Variants in CTNNBIP1 observed in about 807,000 individuals in gnomAD.
CTNNBIP1 encodes the protein beta-catenin-interacting protein 1.
Under a neutral mutation model 11.8 loss-of-function variants are expected in CTNNBIP1, and 7 were observed. The observed-to-expected ratio is 0.60, with a 90% CI of 0.34 to 1.12. The LOEUF is 1.12. CTNNBIP1 is among the 50% of genes most tolerant of loss of function. The pLI, the probability that CTNNBIP1 is intolerant of heterozygous loss-of-function variation, is 0.03. For synonymous variants in CTNNBIP1, 58 were observed against 43.9 expected (o/e 1.32, Z -1.26); for missense variants, 101 against 113.4 (o/e 0.89, Z 0.50).
At chr1:9,902,744 C>T (rs1443922833) in intron 1 of CTNNBIP1, among the ~76,000 whole-genome samples, 1 of 151,608 alleles carries the variant, frequency 6.6e-6, no homozygotes, top group African/African-American at 2.4e-5. Context: ...AGACTAAGAG[C>T]TTGGTATGGG....
intron 1 of CTNNBIP1, among the ~76,000 whole-genome samples, chr1:9,896,492 A>C (rs747700355): frequency 6.6e-6 from 1 of 152,178 alleles, no homozygotes; most frequent in Non-Finnish European, 1.5e-5. Context: ...TGAGGTCAGG[A>C]GTTCGAGAGT....
At chr1:9,853,619 G>A (rs1177032707) in intron 5 of CTNNBIP1, among the ~76,000 whole-genome samples, 2 of 152,174 alleles carry the variant, frequency 1.3e-5, no homozygotes, top group Non-Finnish European at 2.9e-5. Flanking sequence ...CTGCCTCCAG[G>A]CTGCCAGCTG....
chr1:9,902,200 C>G (rs1261366964), intron 1 of CTNNBIP1, among the ~76,000 whole-genome samples: 4 of 152,128 alleles, frequency 2.6e-5, no homozygotes, highest in African/African-American at 7.2e-5. Context: ...GTGGAGAGCC[C>G]GCCTGCCACC....
chr1:9,872,164 C>T lies in CTNNBIP1; in HGVS notation c.-24-76G>A. On this transcript the variant is annotated intron_variant, in intron 3 of 5. Transcript: ENST00000377263. The surrounding 1 kb of genome is among the most constrained non-coding windows in gnomAD (Gnocchi z 4.0). ...CTGGGACAATGACACCTGCTAGTGA[C>T]CCTCACTCCTCCCAGGAGCCGCTTT... 1 of 886,582 alleles carries T rather than the reference C, an allele frequency of 1.1e-6. No individual in the cohort carries two copies. The highest frequency in any genetic ancestry group is 1.8e-6 in the Non-Finnish European group (1 of 545,864). 54.9% of individuals were successfully genotyped at this position (886,582 alleles called of 1,614,324 possible).
intron 5 of CTNNBIP1, among the ~76,000 whole-genome samples, chr1:9,853,631 G>A (rs547817531): frequency 7.2e-5 from 11 of 152,212 alleles, no homozygotes; most frequent in Non-Finnish European, 1.5e-4. Flanking sequence ...TGCCAGCTGG[G>A]TTTCCTACCC....
intron 5 of CTNNBIP1, among the ~76,000 whole-genome samples, chr1:9,864,586 C>T (rs1432036857): frequency 1.3e-5 from 2 of 152,134 alleles, no homozygotes; most frequent in East Asian, 1.9e-4. Context: ...CCTTGGCCTC[C>T]GAAAGTGCTG....
chr1:9,870,273 C>T (rs1474085570), intron 5 of CTNNBIP1, among the ~76,000 whole-genome samples: 1 of 152,230 alleles, frequency 6.6e-6, no homozygotes. Context: ...GCCAATCATT[C>T]CAACAAAGCA....
intron 1 of CTNNBIP1, among the ~76,000 whole-genome samples, chr1:9,902,598 G>A (rs1284526887): frequency 1.3e-5 from 2 of 152,078 alleles, no homozygotes; most frequent in Non-Finnish European, 2.9e-5. Context: ...TGTCCACTCA[G>A]GGCAGGTAGC....
intron 5 of CTNNBIP1, among the ~76,000 whole-genome samples, chr1:9,854,023 T>TG (rs1315121748): frequency 2.2e-4 from 34 of 152,150 alleles, no homozygotes; most frequent in Admixed American, 2.2e-3. Context: ...ACCATATCAA[T>TG]AGGATAAAGG....
At chr1:9,899,621 T>C (rs977208479) in intron 1 of CTNNBIP1, among the ~76,000 whole-genome samples, 1 of 151,338 alleles carries the variant, frequency 6.6e-6, no homozygotes, top group East Asian at 2.0e-4. Flanking sequence ...TAGCCGGGCA[T>C]GGTGACGCAT....
intron 1 of CTNNBIP1, among the ~76,000 whole-genome samples, chr1:9,901,578 G>A (rs1330264047): frequency 1.3e-5 from 2 of 152,098 alleles, no homozygotes; most frequent in Non-Finnish European, 2.9e-5. Context: ...AGACACTTGG[G>A]TGCTACTCGG....
chr1:9,850,922 T>G, intron 5 of CTNNBIP1, 146 bp from the exon 6 acceptor site: 1 of 761,538 alleles, frequency 1.3e-6, no homozygotes, highest in Non-Finnish European at 2.3e-6. Flanking sequence ...GAGGAAGTCT[T>G]CCTCCCCTCT....
At chr1:9,874,870 T>C (rs143533361) in intron 3 of CTNNBIP1, among the ~76,000 whole-genome samples, 216 of 152,366 alleles carry the variant, frequency 1.4e-3, no homozygotes, top group Admixed American at 3.3e-3. Context: ...TTCAAAGTAG[T>C]GGGCCTTGGG....
intron 1 of CTNNBIP1, among the ~76,000 whole-genome samples, chr1:9,899,402 G>A (rs1286406557): frequency 1.4e-5 from 2 of 146,402 alleles, no homozygotes; most frequent in Non-Finnish European, 3.0e-5. Context: ...GCTGCAGTGA[G>A]CCGAGATGGC....
intron 5 of CTNNBIP1, among the ~76,000 whole-genome samples, chr1:9,866,536 T>C (rs1168121313): frequency 2.6e-5 from 4 of 151,920 alleles, no homozygotes; most frequent in Non-Finnish European, 5.9e-5. Context: ...TCTAATCAGC[T>C]GGGTGTGGTG....
rs1298987759 is a variant in CTNNBIP1 at position 9,883,309 on chromosome 1, C to G, written c.-110+396G>C. Among the ~76,000 whole-genome samples the G allele has an allele frequency of 2.0e-5, 3 of 152,174 alleles. No homozygotes were observed. Among genetic ancestry groups the G allele is most frequent in the Non-Finnish European group, 2.9e-5 (2 of 68,014 alleles). On this transcript the variant is annotated intron_variant, in intron 2 of 5. Transcript: ENST00000377263. The surrounding 1 kb of genome is among the most constrained non-coding windows in gnomAD (Gnocchi z 5.6). The stretch of plus-strand genomic sequence containing the variant: ...GGAAGGGCAGGTGGGACACCACAGG[C>G]AGGACCTCACGAGGCCCAGGTGCAG...
intron 5 of CTNNBIP1, among the ~76,000 whole-genome samples, 164 bp from the exon 6 acceptor site, chr1:9,850,940 C>T (rs72855798): frequency 8.7e-4 from 132 of 152,344 alleles, no homozygotes; most frequent in African/African-American, 3.1e-3. Flanking sequence ...TCTGGTCTTC[C>T]CTGCCTCCTG....
intron 5 of CTNNBIP1, among the ~76,000 whole-genome samples, chr1:9,869,687 C>T (rs1458886603): frequency 6.6e-6 from 1 of 152,056 alleles, no homozygotes; most frequent in Non-Finnish European, 1.5e-5. Context: ...TTGATTTTTT[C>T]CCAAGAGTAT....
rs143920581 is a variant in CTNNBIP1 at position 9,858,849 on chromosome 1, G to A, written c.188-8073C>T. 5.2e-3 allele frequency among the ~76,000 whole-genome samples: 787 copies of A among 152,254 alleles called. 2 individuals carry two copies. The highest frequency in any genetic ancestry group is 8.4e-3 in the Non-Finnish European group (574 of 68,026). On this transcript the variant is annotated intron_variant, in intron 5 of 5. Coordinates refer to ENST00000377263, the MANE Select transcript of CTNNBIP1 (RefSeq NM_020248.3). ...AGACAAAGCAACTCAGTGAATCAGA[G>A]GCAGAGAGAAGACCCAGATCCAGAC...
Sources: allele counts gnomAD v4.1 joint callset (sites outside exome capture counted in the v4.1 genomes callset), GRCh38; gene constraint gnomAD v4.1.1; non-coding constraint Gnocchi (gnomAD v3.1); transcripts MANE v1.5; gene names NCBI Gene and HGNC (gene_info 2026-07-23, HGNC 2026-07-21).